Variants in TSPAN9 observed in about 807,000 individuals in gnomAD.
TSPAN9 encodes the protein tetraspanin 9, also known as tetraspanin-9.
TSPAN9 carries 16 observed loss-of-function variants against 31.0 expected under a neutral mutation model. The observed-to-expected ratio is 0.52, with a 90% CI of 0.35 to 0.78. The LOEUF is 0.78. TSPAN9 is among the 30% of genes least tolerant of loss of function. The pLI is 0.01. For synonymous variants in TSPAN9, 145 were observed against 121.6 expected, an observed-to-expected ratio of 1.19 and a Z score of -1.27; for missense variants, 272 against 312.5, an observed-to-expected ratio of 0.87 and a Z score of 0.98.
At chr12:3,181,746 C>T (rs771091027) in intron 2 of TSPAN9, among the ~76,000 whole-genome samples, 3 of 152,164 alleles carry the variant, frequency 2.0e-5, no homozygotes, top group Admixed American at 6.5e-5. Flanking sequence ...CCCCAGCCCT[C>T]GTGCCCTTCC....
At chr12:3,142,014 T>C (rs1345439978) in intron 2 of TSPAN9, among the ~76,000 whole-genome samples, 4 of 152,192 alleles carry the variant, frequency 2.6e-5, no homozygotes, top group Non-Finnish European at 4.4e-5. Context: ...AGGCTTGGTG[T>C]CAGGCATTGC....
intron 2 of TSPAN9, among the ~76,000 whole-genome samples, chr12:3,113,132 G>A (rs1446227661): frequency 2.0e-5 from 3 of 152,214 alleles, no homozygotes; most frequent in East Asian, 1.9e-4. Context: ...CGAAGTTACC[G>A]CCCTCATAAG....
intron 2 of TSPAN9, among the ~76,000 whole-genome samples, chr12:3,142,607 A>G (rs755528833): frequency 5.9e-5 from 9 of 152,172 alleles, no homozygotes; most frequent in Non-Finnish European, 1.2e-4. Context: ...CTGAGACAGC[A>G]AAAGGCCACG....
chr12:3,107,979 C>T lies in TSPAN9; in HGVS notation c.-18+24260C>T, dbSNP rs1012250010. 1.3e-5 allele frequency among the ~76,000 whole-genome samples: 2 copies of T among 152,208 alleles called. No homozygotes were observed. The highest frequency in any genetic ancestry group is 2.9e-5 in the Non-Finnish European group (2 of 68,036). ...CCCAGTAAGAAACTCCCCAAAACCT[C>T]CATACCTGATCCTCACATTTCTGGA... is the stretch of plus-strand genomic sequence containing the variant. On this transcript the variant is annotated intron_variant, in intron 2 of 8. Coordinates refer to ENST00000011898, the MANE Select transcript of TSPAN9 (RefSeq NM_006675.5). The surrounding 1 kb of genome is among the most constrained non-coding windows in gnomAD (Gnocchi z 4.1).
intron 3 of TSPAN9, among the ~76,000 whole-genome samples, chr12:3,218,115 G>T (rs2098382309): frequency 6.6e-6 from 1 of 152,144 alleles, no homozygotes; most frequent in Non-Finnish European, 1.5e-5. Context: ...TACAGATTTT[G>T]GGTGTGCATG....
At chr12:3,195,219 T>A (rs764419601) in intron 2 of TSPAN9, among the ~76,000 whole-genome samples, 2 of 152,068 alleles carry the variant, frequency 1.3e-5, no homozygotes, top group South Asian at 4.1e-4. Context: ...TTGGTTCTGA[T>A]TGTGTGTGGG....
At chr12:3,097,146 T>C (rs1295507158) in intron 2 of TSPAN9, among the ~76,000 whole-genome samples, 2 of 152,198 alleles carry the variant, frequency 1.3e-5, no homozygotes, top group East Asian at 3.9e-4. Context: ...GTCTGGGCAG[T>C]TGAGCAGAGG....
At chr12:3,200,711 T>A (rs1341956090) in intron 2 of TSPAN9, 2 of 152,584 alleles carry the variant, frequency 1.3e-5, no homozygotes, top group African/African-American at 2.4e-5. Context: ...CGCAGAGCCC[T>A]CCCGGGGCCG....
At chr12:3,122,548 C>G (rs1186522346) in intron 2 of TSPAN9, among the ~76,000 whole-genome samples, 1 of 151,896 alleles carries the variant, frequency 6.6e-6, no homozygotes, top group Non-Finnish European at 1.5e-5. Flanking sequence ...TGTGAGATAC[C>G]ACACCTGGCC....
intron 2 of TSPAN9, among the ~76,000 whole-genome samples, chr12:3,089,522 C>A (rs1259549330): frequency 6.6e-6 from 1 of 151,824 alleles, no homozygotes. Context: ...GTCTCGATCT[C>A]CTGACCTCGT....
At chr12:3,254,860 C>T (rs897319935) in intron 3 of TSPAN9, among the ~76,000 whole-genome samples, 1 of 152,190 alleles carries the variant, frequency 6.6e-6, no homozygotes, top group Non-Finnish European at 1.5e-5. Context: ...CACGTATTTT[C>T]ATGTGGACAT....
intron 2 of TSPAN9, among the ~76,000 whole-genome samples, chr12:3,177,123 T>C (rs2098356141): frequency 6.6e-6 from 1 of 152,124 alleles, no homozygotes; most frequent in Non-Finnish European, 1.5e-5. Context: ...TTTAAGCTGA[T>C]AGGTATTTTG....
intron 2 of TSPAN9, among the ~76,000 whole-genome samples, chr12:3,123,226 C>T (rs1368754526): frequency 6.6e-6 from 1 of 152,218 alleles, no homozygotes; most frequent in Non-Finnish European, 1.5e-5. Context: ...TCACCTGCAT[C>T]CAAGCTGCTA....
At chr12:3,127,208 C>G (rs1370659639) in intron 2 of TSPAN9, among the ~76,000 whole-genome samples, 1 of 151,972 alleles carries the variant, frequency 6.6e-6, no homozygotes, top group Non-Finnish European at 1.5e-5. Flanking sequence ...GGAGACCAGC[C>G]TGGGCAACAT....
At chr12:3,219,348 T>G (rs372469550) in intron 3 of TSPAN9, among the ~76,000 whole-genome samples, 4 of 152,238 alleles carry the variant, frequency 2.6e-5, no homozygotes, top group Non-Finnish European at 5.9e-5. Flanking sequence ...GGGTGGCCAC[T>G]GCCTTAGTTT....
At chr12:3,102,813 A>G (rs1214188154) in intron 2 of TSPAN9, among the ~76,000 whole-genome samples, 3 of 152,194 alleles carry the variant, frequency 2.0e-5, no homozygotes, top group Non-Finnish European at 2.9e-5. Flanking sequence ...GCATATTTCA[A>G]AATTGGATCT....
chr12:3,085,905 G>A (rs1210919356), intron 2 of TSPAN9, among the ~76,000 whole-genome samples: 3 of 152,196 alleles, frequency 2.0e-5, no homozygotes, highest in African/African-American at 4.8e-5. Context: ...GGAGCGGACT[G>A]GGGGTGGAAG....
At chr12:3,089,493 T>C (rs12317192) in intron 2 of TSPAN9, among the ~76,000 whole-genome samples, 11,396 of 151,592 alleles carry the variant, frequency 0.075, 487 homozygotes, top group Middle Eastern at 0.17. Context: ...GACGGGGTTT[T>C]ACCGTGTTGG....
chr12:3,154,312 T>G (rs2098341221), intron 2 of TSPAN9, among the ~76,000 whole-genome samples: 1 of 152,150 alleles, frequency 6.6e-6, no homozygotes, highest in Non-Finnish European at 1.5e-5. Flanking sequence ...CTCTGCATTT[T>G]TATCCTATCT....
Sources: allele counts gnomAD v4.1 joint callset (sites outside exome capture counted in the v4.1 genomes callset), GRCh38; gene constraint gnomAD v4.1.1; non-coding constraint Gnocchi (gnomAD v3.1); transcripts MANE v1.5; gene names NCBI Gene and HGNC (gene_info 2026-07-23, HGNC 2026-07-21).